Variants in MYO10 observed in about 807,000 individuals in gnomAD.
MYO10 encodes the protein unconventional myosin-X.
MYO10 carries 133 observed loss-of-function variants against 257.3 expected under a neutral mutation model. The ratio of observed to expected loss-of-function variants is 0.52; its 90% CI spans 0.45 to 0.60. The LOEUF (loss-of-function observed/expected upper bound fraction) is 0.60, where lower values mean the gene tolerates loss of function less well. Ranked by LOEUF, MYO10 falls within the 20% of genes least tolerant of loss-of-function variation. The pLI, the probability that MYO10 is intolerant of heterozygous loss-of-function variation, is 0.00. For synonymous variants in MYO10, 1,104 were observed against 1,028.6 expected, an observed-to-expected ratio of 1.07 and a Z score of -1.40; for missense variants, 2,399 against 2,635.7, an observed-to-expected ratio of 0.91 and a Z score of 1.97.
chr5:16,892,598 G>T (rs1745090574), intron 1 of MYO10, among the ~76,000 whole-genome samples: 1 of 152,186 alleles, frequency 6.6e-6, no homozygotes, highest in African/African-American at 2.4e-5. Context: ...AGCCAAGACT[G>T]CGCCACTGCA....
In MYO10 at chr5:16,662,713, A is replaced by G. The variant is rs575057790; in HGVS notation, c.*3979T>C. 6.6e-6 allele frequency: 1 copy of G among 152,206 alleles called. No homozygotes were observed. The highest frequency in any genetic ancestry group is 2.1e-4 in the South Asian group (1 of 4,808). 9.4% of individuals were successfully genotyped at this position (152,206 alleles called of 1,614,324 possible). A position where few individuals can be genotyped will look rare whatever the true frequency, so the allele number is the denominator to read the frequency against. ...TTGAATTATAGCTCCCATAATCCCCACCTGTCACGGGAGGGACCTGATGGG... is the reference window on the plus strand; with the variant it reads ...TTGAATTATAGCTCCCATAATCCCCGCCTGTCACGGGAGGGACCTGATGGG... On this transcript the variant is annotated 3_prime_UTR_variant, in exon 41 of 41. Transcript: ENST00000513610.
At chr5:16,782,372 A>G (rs1182164867) in intron 5 of MYO10, among the ~76,000 whole-genome samples, 1 of 152,148 alleles carries the variant, frequency 6.6e-6, no homozygotes, top group Admixed American at 6.5e-5. Context: ...CTGCCACTAT[A>G]GCCTAAAAGC....
In MYO10 at chr5:16,665,437, T is replaced by C. The variant is rs772778491; in HGVS notation, c.*1255A>G. 1.3e-5 allele frequency: 2 copies of C among 152,196 alleles called. No homozygotes were observed. The highest frequency in any genetic ancestry group is 2.9e-5 in the Non-Finnish European group (2 of 68,028). The allele number at this position is 152,196 out of a possible 1,614,324, so 9.4% of individuals were successfully genotyped here. A position where few individuals can be genotyped will look rare whatever the true frequency, so the allele number is the denominator to read the frequency against. On this transcript the variant is annotated 3_prime_UTR_variant, in exon 41 of 41. Coordinates refer to ENST00000513610, the MANE Select transcript of MYO10 (RefSeq NM_012334.3). ...GGCCCAAGTCCTTAAAACTTTTCCA[T>C]ATAAAAATAAAAAGTCCAAGACCAG...
chr5:16,701,130 A>G lies in MYO10; in HGVS notation c.3265T>C (p.Tyr1089His), dbSNP rs1435403791. The change falls in exon 25 of 41, where the codon TAC becomes CAC. Residue 1089 changes from tyrosine to histidine, a missense_variant. Around this residue, in one of 3 missense-constraint regions of MYO10, gnomAD observed 1,820 missense variants for 1,939.4 expected, o/e 0.94. Transcript: ENST00000513610. The surrounding 1 kb of genome is among the most constrained non-coding windows in gnomAD (Gnocchi z 8.1). ...TCATAGTCATCCTGGTCGTAGTCGT[A>G]GTCGCCGTCTGGGGAGGGCAAGTCC... ...AGDLPSPDGDYDYDQDDYEDG... is the reference protein window; with the variant it reads ...AGDLPSPDGDHDYDQDDYEDG... 2 of 1,597,402 alleles carry G rather than the reference A, an allele frequency of 1.3e-6. No individual in the cohort carries two copies. The highest frequency in any genetic ancestry group is 1.3e-5 in the African/African-American group (1 of 74,688).
At chr5:16,724,694 T>G (rs1739284711) in intron 19 of MYO10, among the ~76,000 whole-genome samples, 1 of 152,124 alleles carries the variant, frequency 6.6e-6, no homozygotes, top group African/African-American at 2.4e-5. Context: ...ATTGGGAGAT[T>G]ACAGCCATCT....
At chr5:16,924,590 G>A (rs945420338) in intron 1 of MYO10, among the ~76,000 whole-genome samples, 7 of 152,124 alleles carry the variant, frequency 4.6e-5, no homozygotes, top group East Asian at 1.9e-4. Context: ...GTACAAAAGC[G>A]TTCATGCGCT....
chr5:16,916,134 C>G (rs1311039875), intron 1 of MYO10: 1 of 456,118 alleles, frequency 2.2e-6, no homozygotes, highest in East Asian at 7.0e-5. Context: ...ACCGACCCAT[C>G]AAGCCCAGAT....
At chr5:16,794,878 G>A in intron 3 of MYO10, 45 bp from the exon 4 acceptor site, 1 of 1,343,494 alleles carries the variant, frequency 7.4e-7, no homozygotes, top group Admixed American at 3.4e-5. Flanking sequence ...TCTAACCCAG[G>A]CCACTGGATG....
Position 16,794,768 on chromosome 5 carries a change from A to G in MYO10, c.345T>C (p.Pro115=). The G allele has an allele frequency of 6.2e-7, 1 of 1,608,742 alleles. No homozygotes were observed. The highest frequency in any genetic ancestry group is 8.5e-7 in the Non-Finnish European group (1 of 1,177,592). The change falls in exon 4 of 41, where the codon CCT becomes CCC. Residue 115 remains proline (P), a synonymous_variant. Transcript: ENST00000513610. The part of the protein sequence containing the change: ...PYQPIAGLYE[P]ATMEQYSRRH... Reference sequence around the variant, plus strand: ...GCCGGCTGTACTGCTCCATGGTGGCAGGCTCGTACAGCCCGGCGATGGGCT... The same window carrying G: ...GCCGGCTGTACTGCTCCATGGTGGCGGGCTCGTACAGCCCGGCGATGGGCT...
intron 19 of MYO10, among the ~76,000 whole-genome samples, chr5:16,747,480 G>A (rs1295456106): frequency 6.6e-6 from 1 of 152,216 alleles, no homozygotes; most frequent in Non-Finnish European, 1.5e-5. Context: ...CCTGAGGTGT[G>A]CAGCAGGGTG....
chr5:16,745,659 G>A (rs1476648235), intron 19 of MYO10, among the ~76,000 whole-genome samples: 5 of 152,072 alleles, frequency 3.3e-5, no homozygotes, highest in African/African-American at 1.2e-4. Context: ...CTACGCTCCC[G>A]CCTGGGCAAC....
intron 4 of MYO10, among the ~76,000 whole-genome samples, chr5:16,784,218 T>C (rs1741506614): frequency 6.6e-6 from 1 of 152,166 alleles, no homozygotes; most frequent in Non-Finnish European, 1.5e-5. Flanking sequence ...GGAAAGATTC[T>C]TATGGGAGAA....
At chr5:16,900,495 A>C (rs1745346706) in intron 1 of MYO10, among the ~76,000 whole-genome samples, 1 of 152,198 alleles carries the variant, frequency 6.6e-6, no homozygotes, top group Non-Finnish European at 1.5e-5. Flanking sequence ...TGACTGCAGA[A>C]AAACGTGTAA....
chr5:16,924,696 C>T (rs1746082306), intron 1 of MYO10, among the ~76,000 whole-genome samples: 1 of 151,998 alleles, frequency 6.6e-6, no homozygotes, highest in Non-Finnish European at 1.5e-5. Context: ...CCCTGCACAT[C>T]AAAATGGCAA....
chr5:16,822,859 T>C (rs1452546081), intron 2 of MYO10, among the ~76,000 whole-genome samples: 1 of 151,866 alleles, frequency 6.6e-6, no homozygotes, highest in East Asian at 2.0e-4. Context: ...GGCTAATTTT[T>C]TGTATTTTTA....
chr5:16,777,731 G>C (rs1349134430), intron 9 of MYO10, among the ~76,000 whole-genome samples: 3 of 151,622 alleles, frequency 2.0e-5, no homozygotes, highest in Non-Finnish European at 4.4e-5. Flanking sequence ...AGAGTGATTG[G>C]AAAGTAAACT....
intron 1 of MYO10, among the ~76,000 whole-genome samples, chr5:16,900,744 G>GTTATTTTT (rs1554007452): frequency 7.5e-6 from 1 of 132,752 alleles, no homozygotes; most frequent in African/African-American, 2.9e-5. Flanking sequence ...CCTAAATCTT[G>GTTATTTTT]TTTTTTTTTT....
At chr5:16,749,016 C>T (rs924841723) in intron 19 of MYO10, among the ~76,000 whole-genome samples, 2 of 152,102 alleles carry the variant, frequency 1.3e-5, no homozygotes, top group South Asian at 2.1e-4. Context: ...GCTCCAAGAT[C>T]GACAGCCCAC....
chr5:16,737,657 CA>C, intron 19 of MYO10, among the ~76,000 whole-genome samples: 1 of 152,330 alleles, frequency 6.6e-6, no homozygotes, highest in Middle Eastern at 3.4e-3. Context: ...ACCAAGAAAT[CA>C]TCAGCATCGA....
Sources: gnomAD v4.1 joint callset for allele counts (sites outside exome capture counted in the v4.1 genomes callset) on GRCh38, gnomAD v4.1.1 for gene constraint, gnomAD v4.1.1 regional missense constraint, Gnocchi (gnomAD v3.1) non-coding constraint, MANE v1.5 for transcripts, NCBI Gene and HGNC (gene_info 2026-07-23, HGNC 2026-07-21) for gene names.